The following WNT9A variants were observed in gnomAD, a reference collection of about 807,000 sequenced individuals.
The protein encoded by WNT9A is protein Wnt-9a.
WNT9A carries 8 observed loss-of-function variants against 31.4 expected under a neutral mutation model. That is an observed-to-expected ratio of 0.26 (90% CI 0.15 to 0.46). The LOEUF (loss-of-function observed/expected upper bound fraction) is 0.46, where lower values mean the gene tolerates loss of function less well. Ranked by LOEUF, WNT9A falls within the 20% of genes least tolerant of loss-of-function variation. The pLI is 0.99. For synonymous variants in WNT9A, 236 were observed against 220.1 expected (o/e 1.07, Z -0.64); for missense variants, 457 against 522.9 (o/e 0.87, Z 1.23).
chr1:227,931,142 A>G (rs1666504818), intron 1 of WNT9A, among the ~76,000 whole-genome samples: 1 of 151,830 alleles, frequency 6.6e-6, no homozygotes, highest in Non-Finnish European at 1.5e-5. Flanking sequence ...GCTGGAGTGC[A>G]GTGGCACAAT....
Position 227,925,384 on chromosome 1 carries a change from G to A in WNT9A, c.231C>T (p.Gly77=), listed in dbSNP as rs779825116. The part of the protein sequence containing the change: ...KQRRMCRRDP[G]VAETLVEAVS... The stretch of plus-strand genomic sequence containing the variant: ...CGGCCTCCACCAGCGTCTCTGCCAC[G>A]CCCGGGTCCCGGCGGCACATGCGCC... The change falls in exon 2 of 4, where the codon GGC becomes GGT. Residue 77 remains glycine, a synonymous_variant. Coordinates refer to ENST00000272164, the MANE Select transcript of WNT9A (RefSeq NM_003395.4). This position sits in a 1 kb window ranked among gnomAD's most constrained non-coding sequence, Gnocchi z 6.0. 16 of 1,610,998 alleles carry A rather than the reference G, an allele frequency of 9.9e-6. No individual in the cohort carries two copies. The highest frequency in any genetic ancestry group is 2.2e-5 in the East Asian group (1 of 44,824).
intron 1 of WNT9A, among the ~76,000 whole-genome samples, chr1:227,936,825 G>A (rs533618643): frequency 1.3e-5 from 2 of 152,164 alleles, no homozygotes; most frequent in Non-Finnish European, 2.9e-5. Context: ...GTTCCAGGGT[G>A]AACTTATTTT....
Position 227,921,755 on chromosome 1 carries a change from T to G in WNT9A, c.861A>C (p.Pro287=). Residue 287 remains proline, a synonymous_variant, in exon 4 of 4, where the codon CCA becomes CCC. Coordinates refer to ENST00000272164, the MANE Select transcript of WNT9A (RefSeq NM_003395.4). ...GCGAGTCATCCAGGTGCACCAGCTC[T>G]GGAGTGCGGGGCAGCGGGTCGCTGC... ...AGGSDPLPRT[P]ELVHLDDSPS... 1 of 1,612,552 alleles carries G rather than the reference T, an allele frequency of 6.2e-7. No individual in the cohort carries two copies. Among genetic ancestry groups the G allele is most frequent in the Non-Finnish European group, 8.5e-7 (1 of 1,179,774 alleles).
chr1:227,924,122 G>A lies in WNT9A; in HGVS notation c.615+16C>T. On this transcript the variant is annotated intron_variant, in intron 3 of 3. Coordinates refer to ENST00000272164, the MANE Select transcript of WNT9A (RefSeq NM_003395.4). ...CTGACCCTCCCTTCCCACCCCGCCA[G>A]CCCCACCCCACTTGCCTTCACACCC... 6.1e-5 allele frequency: 38 copies of A among 625,880 alleles called. No homozygotes were observed. The highest frequency in any genetic ancestry group is 3.9e-4 in the South Asian group (15 of 38,052). 38.8% of individuals were successfully genotyped at this position (625,880 alleles called of 1,614,324 possible). A position where few individuals can be genotyped will look rare whatever the true frequency, so the allele number is the denominator to read the frequency against.
rs1666378324 is a variant in WNT9A at position 227,924,293 on chromosome 1, C to T, written c.460G>A (p.Ala154Thr). Reference sequence around the variant, plus strand: ...GCCTCACGGTTCTCCAGGTCGGGTGCCTCATCGCAGGTACAGCGCTCCATG... The same window carrying T: ...GCCTCACGGTTCTCCAGGTCGGGTGTCTCATCGCAGGTACAGCGCTCCATG... Reference protein sequence around the residue: ...GRMERCTCDEAPDLENREAWQ... With the variant: ...GRMERCTCDETPDLENREAWQ... Residue 154 changes from alanine to threonine, a missense_variant, in exon 3 of 4, where the codon GCA (alanine) becomes ACA (threonine). Physicochemically the swap from Ala to Thr is moderately conservative, Grantham distance 58. Coordinates refer to ENST00000272164, the MANE Select transcript of WNT9A (RefSeq NM_003395.4). The T allele has an allele frequency of 6.2e-7, 1 of 1,613,700 alleles. No individual in the cohort carries two copies. The highest frequency in any genetic ancestry group is 8.5e-7 in the Non-Finnish European group (1 of 1,179,986).
Position 227,947,830 on chromosome 1 carries a change from G to C in WNT9A, c.58C>G (p.Leu20Val). 1 of 1,095,622 alleles carries C rather than the reference G, an allele frequency of 9.1e-7. No homozygotes were observed. 67.9% of individuals were successfully genotyped at this position (1,095,622 alleles called of 1,614,324 possible). The change falls in exon 1 of 4, where the codon CTG (leucine) becomes GTG (valine). Residue 20 changes from leucine (L) to valine (V), a missense_variant. By Grantham distance (32) the Leu-to-Val change is conservative (BLOSUM62 1). Transcript: ENST00000272164. ...WLAAAFGLTL[L>V]LAALRPSAAY... Reference sequence around the variant, plus strand: ...GCCGAAGGGCGCAGCGCGGCGAGCAGCAGCGTCAGCCCGAAGGCCGCGGCC... The same window carrying C: ...GCCGAAGGGCGCAGCGCGGCGAGCACCAGCGTCAGCCCGAAGGCCGCGGCC...
At chr1:227,932,784 G>A (rs1251213889) in intron 1 of WNT9A, among the ~76,000 whole-genome samples, 1 of 152,238 alleles carries the variant, frequency 6.6e-6, no homozygotes, top group Non-Finnish European at 1.5e-5. Context: ...CTGCCAATGA[G>A]CAATAATACT....
chr1:227,947,725 C>G (rs1666818473), intron 1 of WNT9A, 68 bp downstream of exon 1: 1 of 974,666 alleles, frequency 1.0e-6, no homozygotes, highest in Non-Finnish European at 1.2e-6. Flanking sequence ...CTCGGGGACT[C>G]CGGACGACCC....
intron 1 of WNT9A, among the ~76,000 whole-genome samples, chr1:227,930,885 G>A (rs1315320587): frequency 1.3e-5 from 2 of 151,984 alleles, no homozygotes; most frequent in Admixed American, 1.3e-4. Flanking sequence ...GCTGGGCATG[G>A]AGGCATACGC....
Position 227,925,031 on chromosome 1 carries a change from G to C in WNT9A, c.352+232C>G, listed in dbSNP as rs115903339. 0.066 allele frequency among the ~76,000 whole-genome samples: 10,046 copies of C among 152,300 alleles called. 487 individuals carry two copies. The highest frequency in any genetic ancestry group is 0.1 in the Non-Finnish European group (7,086 of 67,996). ...TGGGGCCCCGTCAAAGGCCGAGTCA[G>C]CATGCCCTGGCCACCAGCAACGACT... On this transcript the variant is annotated intron_variant, in intron 2 of 3. Coordinates refer to ENST00000272164, the MANE Select transcript of WNT9A (RefSeq NM_003395.4). The surrounding 1 kb of genome is among the most constrained non-coding windows in gnomAD (Gnocchi z 6.0).
chr1:227,947,371 T>A (rs1666811559), intron 1 of WNT9A, among the ~76,000 whole-genome samples: 1 of 152,188 alleles, frequency 6.6e-6, no homozygotes, highest in African/African-American at 2.4e-5. Context: ...ATTTTTGTTA[T>A]TGTTAAATTA....
At position 227,921,770 on chromosome 1, in the gene WNT9A, C is replaced by G. The variant is rs8192633; in HGVS notation, c.846G>C (p.Pro282=). The G allele has an allele frequency of 7.4e-6, 12 of 1,612,046 alleles. No homozygotes were observed. Among genetic ancestry groups the G allele is most frequent in the Non-Finnish European group, 1.0e-5 (12 of 1,179,628 alleles). Reference sequence around the variant, plus strand: ...GCACCAGCTCTGGAGTGCGGGGCAGCGGGTCGCTGCCACCTGCCCCCGAGG... The same window carrying G: ...GCACCAGCTCTGGAGTGCGGGGCAGGGGGTCGCTGCCACCTGCCCCCGAGG... The part of the protein sequence containing the change: ...GRASGAGGSD[P]LPRTPELVHL... The change falls in exon 4 of 4, where the codon CCG becomes CCC. Residue 282 remains proline (P), a synonymous_variant. Transcript: ENST00000272164.
intron 1 of WNT9A, among the ~76,000 whole-genome samples, chr1:227,937,334 C>G (rs1666612546): frequency 6.6e-6 from 1 of 151,930 alleles, no homozygotes; most frequent in Admixed American, 6.5e-5. Flanking sequence ...TTAGCTCTGA[C>G]CCCGGGCTGC....
chr1:227,937,660 G>A (rs1378477593), intron 1 of WNT9A, among the ~76,000 whole-genome samples: 3 of 152,364 alleles, frequency 2.0e-5, no homozygotes, highest in Non-Finnish European at 4.4e-5. Flanking sequence ...GGAGCCCCAC[G>A]GTTCGCAGCC....
rs139202705 is a variant in WNT9A, at chr1:227,945,964, C to T, written c.95+1829G>A. On this transcript the variant is annotated intron_variant, in intron 1 of 3. Coordinates refer to ENST00000272164, the MANE Select transcript of WNT9A (RefSeq NM_003395.4). ...CATCAGTCAAACAGAGTCCTAGCTG[C>T]CCTCTGCAATGCCAGCTGTCCCCAA... Among the ~76,000 whole-genome samples, 1,517 of 152,336 alleles carry T rather than the reference C, an allele frequency of 1.0e-2. 13 individuals carry two copies. The highest frequency in any genetic ancestry group is 0.02 in the African/African-American group (842 of 41,580).
Position 227,924,129 on chromosome 1 carries a change from C to A in WNT9A, c.615+9G>T, listed in dbSNP as rs1189206774. On this transcript the variant is annotated intron_variant, in intron 3 of 3. Transcript: ENST00000272164. ...TCCCTTCCCACCCCGCCAGCCCCAC[C>A]CCACTTGCCTTCACACCCACGAGGT... 1.3e-6 allele frequency: 2 copies of A among 1,599,286 alleles called. No homozygotes were observed. The highest frequency in any genetic ancestry group is 1.7e-6 in the Non-Finnish European group (2 of 1,169,778).
At position 227,922,604 on chromosome 1, in the gene WNT9A, G is replaced by C. The variant is rs187280827; in HGVS notation, c.616-604C>G. ...ACGCTGCAGGGGAGAGGGGCTCCTG[G>C]GGAAGAGAGAGCTCCTTATACTGCA... is the stretch of plus-strand genomic sequence containing the variant. On this transcript the variant is annotated intron_variant, in intron 3 of 3. Coordinates refer to ENST00000272164, the MANE Select transcript of WNT9A (RefSeq NM_003395.4). Among the ~76,000 whole-genome samples, 13 of 152,296 alleles carry C rather than the reference G, an allele frequency of 8.5e-5. No individual in the cohort carries two copies. The East Asian group carries it at 2.3e-3, about 27-fold the overall frequency.
chr1:227,944,351 C>A (rs1418215200), intron 1 of WNT9A, among the ~76,000 whole-genome samples: 2 of 152,182 alleles, frequency 1.3e-5, no homozygotes, highest in Non-Finnish European at 2.9e-5. Context: ...AAGTGGTTGC[C>A]AGGGACTGGG....
At position 227,925,227 on chromosome 1, in the gene WNT9A, TG is replaced by T; in HGVS notation, c.352+35del. 1 of 1,504,094 alleles carries T rather than the reference TG, an allele frequency of 6.6e-7. No homozygotes were observed. Among genetic ancestry groups the T allele is most frequent in the Non-Finnish European group, 8.9e-7 (1 of 1,123,610 alleles). The allele number at this position is 1,504,094 out of a possible 1,614,324, so 93.2% of individuals were successfully genotyped here. A position where few individuals can be genotyped will look rare whatever the true frequency, so the allele number is the denominator to read the frequency against. On this transcript the variant is annotated intron_variant, in intron 2 of 3. Coordinates refer to ENST00000272164, the MANE Select transcript of WNT9A (RefSeq NM_003395.4). This position sits in a 1 kb window ranked among gnomAD's most constrained non-coding sequence, Gnocchi z 6.0. ...GACAAGGCCTGGGCTGCCACCTGTC[TG>T]GGGCCTTCCTGAGGGCCAGGCCGGC...
Sources: gnomAD v4.1 joint callset for allele counts (sites outside exome capture counted in the v4.1 genomes callset) on GRCh38, gnomAD v4.1.1 for gene constraint, Gnocchi (gnomAD v3.1) non-coding constraint, MANE v1.5 for transcripts, NCBI Gene and HGNC (gene_info 2026-07-23, HGNC 2026-07-21) for gene names.